Variants in NTPCR observed in about 807,000 individuals in gnomAD.
NTPCR encodes cancer-related nucleoside-triphosphatase.
In NTPCR, 15 loss-of-function variants were observed where a neutral mutation model predicts 19.5. That is an observed-to-expected ratio of 0.77 (90% CI 0.51 to 1.18). The LOEUF is 1.18. Among genes scored for constraint, NTPCR ranks in the 50% most tolerant of loss-of-function variants. The pLI is 0.00. For synonymous variants in NTPCR, 90 were observed against 95.8 expected, an observed-to-expected ratio of 0.94 and a Z score of 0.36; for missense variants, 206 against 240.4, an observed-to-expected ratio of 0.86 and a Z score of 0.95.
chr1:232,960,056 AAAAC>A (rs1173683766), intron 3 of NTPCR, among the ~76,000 whole-genome samples: 1 of 151,680 alleles, frequency 6.6e-6, no homozygotes, highest in African/African-American at 2.4e-5. Flanking sequence ...ACTAAAAACA[AAAAC>A]AAAAATCAGC....
chr1:232,966,726 A>G (rs1160992322), intron 3 of NTPCR: 1 of 152,206 alleles, frequency 6.6e-6, no homozygotes, highest in African/African-American at 2.4e-5. Flanking sequence ...CTCCCGGAAC[A>G]GGGAAACTAA....
rs748881367 is a variant in NTPCR, at chr1:232,955,702, G to C, written c.180G>C (p.Gly60=). ...TCGTCACGTTGTCCGGCACCCGGGG[G>C]CCTTTATCGAGAGTTGGGTACTGAT... ...FDVVTLSGTR[G]PLSRVGLEPP... The change falls in exon 2 of 5, where the codon GGG becomes GGC. Residue 60 remains glycine (G), a synonymous_variant. Coordinates refer to ENST00000366628, the MANE Select transcript of NTPCR (RefSeq NM_032324.3). The C allele has an allele frequency of 3.1e-6, 5 of 1,613,892 alleles. No homozygotes were observed. Among genetic ancestry groups the C allele is most frequent in the Non-Finnish European group, 4.2e-6 (5 of 1,179,908 alleles).
At chr1:232,954,070 G>A (rs1668448352) in intron 1 of NTPCR, among the ~76,000 whole-genome samples, 3 of 152,206 alleles carry the variant, frequency 2.0e-5, no homozygotes, top group African/African-American at 7.2e-5. Context: ...TGTGGCAGGC[G>A]CATTGAAATT....
chr1:232,982,837 C>A lies in NTPCR; in HGVS notation c.*4606C>A, dbSNP rs911246066. On this transcript the variant is annotated 3_prime_UTR_variant, in exon 5 of 5. Coordinates refer to ENST00000366628, the MANE Select transcript of NTPCR (RefSeq NM_032324.3). Reference sequence around the variant, plus strand: ...CACAGCTCCAGGCCTGCCATTTAGCCCTTGGGGCTTGGCTGTAAAGTTGCC... The same window carrying A: ...CACAGCTCCAGGCCTGCCATTTAGCACTTGGGGCTTGGCTGTAAAGTTGCC... The A allele has an allele frequency of 6.6e-6, 1 of 152,210 alleles. No individual in the cohort carries two copies. Among genetic ancestry groups the A allele is most frequent in the African/African-American group, 2.4e-5 (1 of 41,456 alleles). 9.4% of individuals were successfully genotyped at this position (152,210 alleles called of 1,614,324 possible). A position where few individuals can be genotyped will look rare whatever the true frequency, so the allele number is the denominator to read the frequency against.
At chr1:232,973,667 G>C (rs1313450097) in intron 4 of NTPCR, among the ~76,000 whole-genome samples, 1 of 152,176 alleles carries the variant, frequency 6.6e-6, no homozygotes, top group Non-Finnish European at 1.5e-5. Context: ...TAAAATTACA[G>C]ATACACATGA....
intron 3 of NTPCR, chr1:232,962,650 C>G (rs1034427183): frequency 6.6e-6 from 1 of 152,090 alleles, no homozygotes; most frequent in Non-Finnish European, 1.5e-5. Flanking sequence ...TACTCAAAGC[C>G]CTGTTTTCCA....
intron 3 of NTPCR, among the ~76,000 whole-genome samples, chr1:232,957,671 T>C (rs1668551235): frequency 6.6e-6 from 1 of 152,268 alleles, no homozygotes; most frequent in Non-Finnish European, 1.5e-5. Context: ...ATTTATCAGA[T>C]ATTTATCAAG....
At chr1:232,967,999 A>G (rs1325305391) in intron 3 of NTPCR, 1 of 152,194 alleles carries the variant, frequency 6.6e-6, no homozygotes, top group Non-Finnish European at 1.5e-5. Context: ...TGGAGGAAAA[A>G]CTTGGAATAA....
chr1:232,978,451 G>A lies in NTPCR; in HGVS notation c.*220G>A, dbSNP rs539340447. ...TAACTATCCATTGTGGCTTATCTAT[G>A]CTTAAAGATTTCTTGTTTATTTCCT... On this transcript the variant is annotated 3_prime_UTR_variant, in exon 5 of 5. Transcript: ENST00000366628. 2.2e-6 allele frequency: 1 copy of A among 455,496 alleles called. No individual in the cohort carries two copies. The allele number at this position is 455,496 out of a possible 1,614,324, so 28.2% of individuals were successfully genotyped here.
intron 1 of NTPCR, among the ~76,000 whole-genome samples, chr1:232,951,323 C>T (rs1223894630): frequency 6.6e-6 from 1 of 151,792 alleles, no homozygotes; most frequent in Non-Finnish European, 1.5e-5. Context: ...AGCTTTGGTA[C>T]CTACAGGAGC....
Position 232,980,725 on chromosome 1 carries a change from GGAA to G in NTPCR, c.*2500_*2502del. ...CAACAGTGTCATGCTGAGATTTAAA[GGAA>G]GAAGAGGTGCCGTGGCAGAACTCCA... On this transcript the variant is annotated 3_prime_UTR_variant, in exon 5 of 5. Transcript: ENST00000366628. The G allele has an allele frequency of 6.6e-6, 1 of 150,988 alleles. No individual in the cohort carries two copies. Among genetic ancestry groups the G allele is most frequent in the Non-Finnish European group, 1.5e-5 (1 of 67,808 alleles). The allele number at this position is 150,988 out of a possible 1,614,324, so 9.4% of individuals were successfully genotyped here. A position where few individuals can be genotyped will look rare whatever the true frequency, so the allele number is the denominator to read the frequency against.
intron 4 of NTPCR, among the ~76,000 whole-genome samples, chr1:232,971,886 T>G (rs1225593709): frequency 6.6e-6 from 1 of 152,198 alleles, no homozygotes; most frequent in Non-Finnish European, 1.5e-5. Context: ...TTGGTTGTGA[T>G]TATAGAGTTT....
chr1:232,970,861 T>G (rs2102755033), intron 4 of NTPCR, among the ~76,000 whole-genome samples: 1 of 152,352 alleles, frequency 6.6e-6, no homozygotes, highest in East Asian at 1.9e-4. Flanking sequence ...AGTGTGAGGC[T>G]TGCAGAATGG....
intron 1 of NTPCR, 188 bp downstream of exon 1, chr1:232,950,932 C>T (rs1668347771): frequency 1.7e-6 from 1 of 571,860 alleles, no homozygotes; most frequent in South Asian, 2.1e-5. Flanking sequence ...ATTTAAAAGA[C>T]ACAGGGCCTA....
At chr1:232,951,766 T>A (rs915431758) in intron 1 of NTPCR, among the ~76,000 whole-genome samples, 5 of 151,692 alleles carry the variant, frequency 3.3e-5, no homozygotes, top group Non-Finnish European at 7.4e-5. Flanking sequence ...GATGGGGGAG[T>A]TGGGGAGCAG....
intron 4 of NTPCR, chr1:232,976,254 T>C: frequency 3.6e-6 from 5 of 1,403,534 alleles, no homozygotes; most frequent in Non-Finnish European, 4.6e-6. Context: ...ATCTGTCACT[T>C]TAAATTATCA....
chr1:232,970,229 G>A lies in NTPCR; in HGVS notation c.504+111G>A, dbSNP rs1248351460. ...TGAGTTAACATTTTTTCCCTTCCAT[G>A]CTGAAATGTAGGTGAGTCTAATTTT... On this transcript the variant is annotated intron_variant, in intron 4 of 4. Coordinates refer to ENST00000366628, the MANE Select transcript of NTPCR (RefSeq NM_032324.3). 6 of 850,650 alleles carry A rather than the reference G, an allele frequency of 7.1e-6. No homozygotes were observed. The African/African-American group carries it at 1.0e-4, about 14-fold the overall frequency. 52.7% of individuals were successfully genotyped at this position (850,650 alleles called of 1,614,324 possible).
Position 232,950,844 on chromosome 1 carries a change from G to A in NTPCR, c.34+100G>A, listed in dbSNP as rs1032409041. The A allele has an allele frequency of 1.7e-5, 13 of 744,980 alleles. No homozygotes were observed. In the Admixed American group the frequency reaches 3.7e-4, roughly 21 times the overall value. The allele number at this position is 744,980 out of a possible 1,614,324, so 46.1% of individuals were successfully genotyped here. A position where few individuals can be genotyped will look rare whatever the true frequency, so the allele number is the denominator to read the frequency against. ...GTCGGGGAGGGTCTCCGGCTCCAGG[G>A]CTCCGGCCTCTGAAGTTCCCAATTT... On this transcript the variant is annotated intron_variant, in intron 1 of 4. Transcript: ENST00000366628.
At chr1:232,971,058 G>A (rs1668962824) in intron 4 of NTPCR, among the ~76,000 whole-genome samples, 1 of 152,250 alleles carries the variant, frequency 6.6e-6, no homozygotes, top group South Asian at 2.1e-4. Context: ...GGCAGCGTCT[G>A]AGCCAGTCGG....
Sources: gnomAD v4.1 joint callset for allele counts (sites outside exome capture counted in the v4.1 genomes callset) on GRCh38, gnomAD v4.1.1 for gene constraint, MANE v1.5 for transcripts, NCBI Gene and HGNC (gene_info 2026-07-23, HGNC 2026-07-21) for gene names.